The following SYNPR variants were observed in gnomAD, a reference collection of about 807,000 sequenced individuals.
SYNPR encodes the protein synaptoporin.
A neutral mutation model predicts 32.9 loss-of-function variants in SYNPR; 23 were observed. The observed-to-expected ratio is 0.70, with a 90% confidence interval of 0.50 to 0.99. The LOEUF (loss-of-function observed/expected upper bound fraction) is 0.99, where lower values mean the gene tolerates loss of function less well. Ranked by LOEUF, SYNPR falls within the 50% of genes least tolerant of loss-of-function variation. SYNPR has a pLI of 0.00. For synonymous variants in SYNPR, 146 were observed against 135.9 expected (o/e 1.07, Z -0.52); for missense variants, 318 against 349.3 (o/e 0.91, Z 0.71).
rs116763338 is a variant in SYNPR at position 63,519,372 on chromosome 3, C to T, written c.210-37171C>T. On this transcript the variant is annotated intron_variant, in intron 3 of 5. Transcript: ENST00000478300. ...AATAGGATATGATAATAATAGTGAC[C>T]TTATAGGATTGTTAAAAGGATTAAT... is the stretch of plus-strand genomic sequence containing the variant. Among the ~76,000 whole-genome samples the T allele has an allele frequency of 7.6e-3, 1,157 of 152,206 alleles. 8 individuals carry two copies. The highest frequency in any genetic ancestry group is 0.025 in the Admixed American group (377 of 15,290).
At chr3:63,378,764 CT>C (rs909571024) in intron 2 of SYNPR, among the ~76,000 whole-genome samples, 20 of 151,112 alleles carry the variant, frequency 1.3e-4, no homozygotes, top group South Asian at 4.2e-4. Context: ...GCCACCTCTC[CT>C]TTTTTTTTCT....
chr3:63,237,493 C>T (rs928870339), intron 1 of SYNPR, among the ~76,000 whole-genome samples: 1 of 151,972 alleles, frequency 6.6e-6, no homozygotes, highest in Non-Finnish European at 1.5e-5. Context: ...ATGATGACTG[C>T]TTTAAAATCC....
In SYNPR at chr3:63,313,836, TATATATATATCC is replaced by T. The variant is rs1236065594; in HGVS notation, c.84+35117_84+35128del. Among the ~76,000 whole-genome samples, 2 of 32,062 alleles carry T rather than the reference TATATATATATCC, an allele frequency of 6.2e-5. 1 individual carries two copies. 21.0% of individuals were successfully genotyped at this position (32,062 alleles called of 152,430 possible). A position where few individuals can be genotyped will look rare whatever the true frequency, so the allele number is the denominator to read the frequency against. ...ATATATATATCCATATATATATCCATATATATATATCCATATATATATCCATATATATATATC... is the reference window on the plus strand; with the variant it reads ...ATATATATATCCATATATATATCCATATATATATATCCATATATATATATC... On this transcript the variant is annotated intron_variant, in intron 2 of 5. Coordinates refer to ENST00000478300, the MANE Select transcript of SYNPR (RefSeq NM_001130003.2).
intron 3 of SYNPR, among the ~76,000 whole-genome samples, chr3:63,536,101 T>A (rs1702201098): frequency 6.6e-6 from 1 of 151,814 alleles, no homozygotes; most frequent in South Asian, 2.1e-4. Context: ...CCCTCATCTC[T>A]ACAAAAAATA....
intron 2 of SYNPR, among the ~76,000 whole-genome samples, chr3:63,254,000 A>G (rs898034006): frequency 7.2e-5 from 11 of 152,194 alleles, no homozygotes; most frequent in Non-Finnish European, 1.3e-4. Flanking sequence ...AAAAATGATG[A>G]GTTCCTGTCC....
chr3:63,506,832 C>T (rs1040071929), intron 3 of SYNPR, among the ~76,000 whole-genome samples: 2 of 152,156 alleles, frequency 1.3e-5, no homozygotes, highest in Non-Finnish European at 2.9e-5. Flanking sequence ...GCCTCTGAAA[C>T]ATATGACGGC....
intron 2 of SYNPR, among the ~76,000 whole-genome samples, chr3:63,457,456 T>G (rs1399616093): frequency 6.6e-6 from 1 of 152,142 alleles, no homozygotes; most frequent in Non-Finnish European, 1.5e-5. Context: ...GCATTAGCAC[T>G]GAGAAGTACA....
chr3:63,556,640 G>T lies in SYNPR; in HGVS notation c.307G>T (p.Val103Phe). 5 of 1,613,838 alleles carry T rather than the reference G, an allele frequency of 3.1e-6. No homozygotes were observed. Among genetic ancestry groups the T allele is most frequent in the Non-Finnish European group, 4.2e-6 (5 of 1,179,848 alleles). Residue 103 changes from valine to phenylalanine, a missense_variant, in exon 4 of 6, where the codon GTC becomes TTC. By Grantham distance (50) the Val-to-Phe change is conservative. Coordinates refer to ENST00000478300, the MANE Select transcript of SYNPR (RefSeq NM_001130003.2). ...CTCCTCGTCTTCAGCAGAGTTCTTC[G>T]TCACTGTTGCTGTCTTCGCCTTCCT... ...GDSSSSAEFF[V>F]TVAVFAFLYS...
intron 4 of SYNPR, among the ~76,000 whole-genome samples, chr3:63,600,476 G>T (rs768810067): frequency 6.6e-6 from 1 of 152,100 alleles, no homozygotes; most frequent in Non-Finnish European, 1.5e-5. Context: ...TTTCTGCAAG[G>T]TATCCTCAAA....
At chr3:63,322,652 A>G (rs184963401) in intron 2 of SYNPR, among the ~76,000 whole-genome samples, 1 of 152,162 alleles carries the variant, frequency 6.6e-6, no homozygotes, top group Admixed American at 6.6e-5. Flanking sequence ...CCATTCTACA[A>G]ACAAAAAACT....
intron 2 of SYNPR, among the ~76,000 whole-genome samples, chr3:63,346,220 G>A (rs150965388): frequency 3.1e-4 from 47 of 152,086 alleles, no homozygotes; most frequent in Admixed American, 9.8e-4. Flanking sequence ...CTTTTTACAT[G>A]CAGAACTTTT....
intron 4 of SYNPR, among the ~76,000 whole-genome samples, chr3:63,589,092 T>C (rs937434696): frequency 6.6e-6 from 1 of 152,180 alleles, no homozygotes; most frequent in East Asian, 1.9e-4. Flanking sequence ...ACACTCCCTC[T>C]AGAGGCCAAT....
chr3:63,244,163 G>T (rs1353760163), intron 1 of SYNPR, among the ~76,000 whole-genome samples: 1 of 152,062 alleles, frequency 6.6e-6, no homozygotes, highest in East Asian at 1.9e-4. Flanking sequence ...TCACCTGATG[G>T]GCTTGCATGG....
At chr3:63,205,825 C>T in the SYNPR span, among the ~76,000 whole-genome samples, 64,275 of 152,040 alleles carry the variant, frequency 0.42, 14,660 homozygotes, top group Admixed American at 0.52. Flanking sequence ...AAAATACCCT[C>T]ATCTGAAATA....
intron 2 of SYNPR, among the ~76,000 whole-genome samples, chr3:63,261,012 T>C (rs1205124644): frequency 6.6e-6 from 1 of 152,088 alleles, no homozygotes; most frequent in African/African-American, 2.4e-5. Flanking sequence ...AAAACCACAA[T>C]GAGATACCAT....
chr3:63,311,673 C>A (rs927817210), intron 2 of SYNPR, among the ~76,000 whole-genome samples: 1 of 151,936 alleles, frequency 6.6e-6, no homozygotes, highest in African/African-American at 2.4e-5. Flanking sequence ...GCAGAGAATG[C>A]AATCTGGATT....
intron 2 of SYNPR, among the ~76,000 whole-genome samples, chr3:63,390,915 C>T (rs2088124455): frequency 2.0e-5 from 3 of 152,222 alleles, no homozygotes; most frequent in Admixed American, 2.0e-4. Flanking sequence ...TGTTGTTAGA[C>T]CATCAGCCCC....
At chr3:63,233,499 A>G (rs768164603) in intron 1 of SYNPR, among the ~76,000 whole-genome samples, 5 of 152,174 alleles carry the variant, frequency 3.3e-5, no homozygotes, top group Non-Finnish European at 7.3e-5. Context: ...TTTACCACAT[A>G]TGGATACCAC....
intron 2 of SYNPR, among the ~76,000 whole-genome samples, chr3:63,471,639 AC>A (rs1700800440): frequency 6.6e-6 from 1 of 152,086 alleles, no homozygotes; most frequent in Non-Finnish European, 1.5e-5. Context: ...AGTTAACAAA[AC>A]CTTTCTGCGC....
Sources: gnomAD v4.1 joint callset for allele counts (sites outside exome capture counted in the v4.1 genomes callset) on GRCh38, gnomAD v4.1.1 for gene constraint, MANE v1.5 for transcripts, NCBI Gene and HGNC (gene_info 2026-07-23, HGNC 2026-07-21) for gene names.